LOC128706666: variants seen among roughly 807,000 people sequenced by gnomAD.
the LOC128706666 span, among the ~76,000 whole-genome samples, chr20:10,415,409 T>C: frequency 1.3e-5 from 2 of 152,184 alleles, no homozygotes; most frequent in Admixed American, 6.5e-5. Flanking sequence ...TATGCAAATG[T>C]TATTTTGGTT....
At chr20:10,429,246 T>C in the LOC128706666 span, among the ~76,000 whole-genome samples, 2 of 152,208 alleles carry the variant, frequency 1.3e-5, no homozygotes, top group Non-Finnish European at 2.9e-5. Context: ...AATCTCCCTG[T>C]AGCCTTTTGA....
the LOC128706666 span, chr20:10,431,889 C>G: frequency 6.6e-6 from 1 of 152,038 alleles, no homozygotes; most frequent in Non-Finnish European, 1.5e-5. Flanking sequence ...CTCAGAGAGC[C>G]TTTCTCTCAG....
At chr20:10,422,655 C>T in the LOC128706666 span, among the ~76,000 whole-genome samples, 1 of 151,876 alleles carries the variant, frequency 6.6e-6, no homozygotes, top group East Asian at 1.9e-4. Context: ...AGTCTCAATA[C>T]TTAAGGTGAC....
chr20:10,428,007 C>T, the LOC128706666 span, among the ~76,000 whole-genome samples: 1 of 152,330 alleles, frequency 6.6e-6, no homozygotes, highest in East Asian at 1.9e-4. Context: ...TTTGCTATTC[C>T]TCCCTGCTCA....
At chr20:10,426,773 G>A in the LOC128706666 span, among the ~76,000 whole-genome samples, 1 of 152,176 alleles carries the variant, frequency 6.6e-6, no homozygotes, top group African/African-American at 2.4e-5. Context: ...CAAAATTAGA[G>A]GGCATCTTAC....
chr20:10,423,870 T>C, the LOC128706666 span, among the ~76,000 whole-genome samples: 19 of 152,250 alleles, frequency 1.2e-4, no homozygotes, highest in African/African-American at 4.6e-4. Context: ...CAGTACAGTA[T>C]TTCCTGGTTA....
At chr20:10,425,879 C>G in the LOC128706666 span, among the ~76,000 whole-genome samples, 1 of 151,834 alleles carries the variant, frequency 6.6e-6, no homozygotes, top group African/African-American at 2.4e-5. Flanking sequence ...AAACATATTT[C>G]TAAAAAAAGA....
chr20:10,428,330 T>C, the LOC128706666 span, among the ~76,000 whole-genome samples: 1 of 152,240 alleles, frequency 6.6e-6, no homozygotes, highest in Non-Finnish European at 1.5e-5. Flanking sequence ...GATACCTAGA[T>C]GAATGGGCCT....
At chr20:10,428,705 T>A in the LOC128706666 span, among the ~76,000 whole-genome samples, 1 of 152,104 alleles carries the variant, frequency 6.6e-6, no homozygotes, top group Admixed American at 6.5e-5. Flanking sequence ...CTGGATGTGG[T>A]GGGTGCACCT....
the LOC128706666 span, among the ~76,000 whole-genome samples, chr20:10,433,346 T>C: frequency 6.6e-5 from 10 of 152,168 alleles, no homozygotes; most frequent in Non-Finnish European, 1.3e-4. Context: ...AATTCACACA[T>C]GCGGAACTCA....
At chr20:10,428,433 T>C in the LOC128706666 span, among the ~76,000 whole-genome samples, 1,446 of 152,336 alleles carry the variant, frequency 9.5e-3, 29 homozygotes, top group African/African-American at 0.033. Flanking sequence ...ATTTTAATTG[T>C]ATGCTCCACC....
At chr20:10,424,821 G>A in the LOC128706666 span, among the ~76,000 whole-genome samples, 1 of 152,102 alleles carries the variant, frequency 6.6e-6, no homozygotes, top group African/African-American at 2.4e-5. Context: ...GGAGGCCGAG[G>A]CAGGTGGATC....
chr20:10,430,357 T>C, the LOC128706666 span, among the ~76,000 whole-genome samples: 5 of 152,238 alleles, frequency 3.3e-5, no homozygotes, highest in African/African-American at 1.2e-4. Flanking sequence ...TTCCATTGTG[T>C]GTACAATGTG....
the LOC128706666 span, among the ~76,000 whole-genome samples, chr20:10,419,303 G>A: frequency 1.3e-5 from 2 of 152,026 alleles, no homozygotes; most frequent in Non-Finnish European, 2.9e-5. Flanking sequence ...GGCCAGATGA[G>A]TTTCATAATT....
the LOC128706666 span, among the ~76,000 whole-genome samples, chr20:10,432,523 T>G: frequency 1.3e-5 from 2 of 152,190 alleles, no homozygotes; most frequent in Admixed American, 1.3e-4. Context: ...CCAGACGCCG[T>G]GGGTCATGCC....
the LOC128706666 span, among the ~76,000 whole-genome samples, chr20:10,425,746 T>C: frequency 1.3e-5 from 2 of 152,216 alleles, no homozygotes; most frequent in African/African-American, 4.8e-5. Context: ...AAGTTAGTGT[T>C]TGATGCTCAT....
At chr20:10,414,080 C>T in the LOC128706666 span, 1 of 366,918 alleles carries the variant, frequency 2.7e-6, no homozygotes, top group African/African-American at 2.1e-5. Context: ...GAAAGGTAGA[C>T]CAACTTTGAC....
the LOC128706666 span, among the ~76,000 whole-genome samples, chr20:10,426,227 TCTTGC>T: frequency 1.3e-5 from 2 of 152,252 alleles, no homozygotes; most frequent in Non-Finnish European, 2.9e-5. Flanking sequence ...GTCTTTAAAG[TCTTGC>T]CTAGTACTCT....
the LOC128706666 span, among the ~76,000 whole-genome samples, chr20:10,426,057 C>T: frequency 6.6e-6 from 1 of 152,188 alleles, no homozygotes; most frequent in Non-Finnish European, 1.5e-5. Context: ...TCATATTCTT[C>T]TCTCAAAAGT....
Sources: gnomAD v4.1 joint callset for allele counts (sites outside exome capture counted in the v4.1 genomes callset) on GRCh38, gnomAD v4.1.1 for gene constraint, MANE v1.5 for transcripts.